Variants in PIK3C2G observed in about 807,000 individuals in gnomAD.
The protein encoded by PIK3C2G is phosphatidylinositol 3-kinase C2 domain-containing subunit gamma.
PIK3C2G carries 168 observed loss-of-function variants against 181.1 expected under a neutral mutation model. That is an observed-to-expected ratio of 0.93 (90% confidence interval 0.82 to 1.05). The LOEUF (loss-of-function observed/expected upper bound fraction) is 1.05. Ranked by LOEUF, PIK3C2G falls within the 50% of genes least tolerant of loss-of-function variation. PIK3C2G has a pLI of 0.00. For missense variants in PIK3C2G, 1,869 were observed against 1,732.8 expected (o/e 1.08, Z -1.40); for synonymous variants, 573 against 592.2 (o/e 0.97, Z 0.47).
intron 7 of PIK3C2G, among the ~76,000 whole-genome samples, chr12:18,324,161 C>T (rs1487165507): frequency 1.3e-5 from 2 of 151,404 alleles, no homozygotes; most frequent in East Asian, 3.9e-4. Flanking sequence ...GCGGAGCCTG[C>T]AGTGAGCGGA....
intron 30 of PIK3C2G, among the ~76,000 whole-genome samples, chr12:18,600,572 C>A (rs7304394): frequency 0.29 from 44,393 of 151,706 alleles, 7,467 homozygotes; most frequent in East Asian, 0.7. Flanking sequence ...CTAACCTAAT[C>A]AAAAATGGGG....
At chr12:18,497,811 G>C in intron 22 of PIK3C2G, 63 bp downstream of exon 22, 1 of 1,302,840 alleles carries the variant, frequency 7.7e-7, no homozygotes, top group Middle Eastern at 2.0e-4. Flanking sequence ...ACTAGTAATA[G>C]GCTACGAAAC....
chr12:18,637,912 C>A (rs1000880714), intron 31 of PIK3C2G, among the ~76,000 whole-genome samples: 1 of 152,184 alleles, frequency 6.6e-6, no homozygotes, highest in Non-Finnish European at 1.5e-5. Context: ...CTGTTAGAAC[C>A]CTTTCTGATT....
intron 24 of PIK3C2G, among the ~76,000 whole-genome samples, chr12:18,534,545 C>A (rs12317612): frequency 6.6e-6 from 1 of 151,988 alleles, no homozygotes; most frequent in African/African-American, 2.4e-5. Context: ...GTTACAAGCT[C>A]TTCACTATAT....
intron 16 of PIK3C2G, among the ~76,000 whole-genome samples, chr12:18,404,645 T>C (rs910036603): frequency 1.3e-5 from 2 of 152,198 alleles, no homozygotes; most frequent in Non-Finnish European, 2.9e-5. Flanking sequence ...TGCATGGTTA[T>C]ACAGGTTCAG....
intron 5 of PIK3C2G, among the ~76,000 whole-genome samples, chr12:18,297,175 G>T (rs1949976219): frequency 6.6e-6 from 1 of 151,990 alleles, no homozygotes. Context: ...TTGACAGGGA[G>T]TAACAATTGT....
chr12:18,657,167 G>A, the PIK3C2G span, among the ~76,000 whole-genome samples: 1 of 152,132 alleles, frequency 6.6e-6, no homozygotes, highest in Non-Finnish European at 1.5e-5. Context: ...AATATTTATA[G>A]GCAGATGTAT....
chr12:18,571,597 G>C (rs1401355428), intron 29 of PIK3C2G, among the ~76,000 whole-genome samples: 3 of 150,642 alleles, frequency 2.0e-5, no homozygotes, highest in Admixed American at 2.0e-4. Context: ...TAACGTTCAC[G>C]TGTCTCTCCT....
intron 32 of PIK3C2G, 96 bp from the exon 33 acceptor site, chr12:18,647,780 A>C: frequency 3.4e-6 from 2 of 582,692 alleles, no homozygotes; most frequent in Non-Finnish European, 5.5e-6. Flanking sequence ...GGTATAAGAT[A>C]TTAGCAGCTA....
At chr12:18,444,033 G>C (rs1205623458) in intron 18 of PIK3C2G, among the ~76,000 whole-genome samples, 1 of 152,146 alleles carries the variant, frequency 6.6e-6, no homozygotes, top group East Asian at 1.9e-4. Context: ...ACAAATATTG[G>C]CTTTCTTCTT....
the PIK3C2G span, among the ~76,000 whole-genome samples, chr12:18,720,332 A>T: frequency 6.6e-6 from 1 of 151,798 alleles, no homozygotes; most frequent in Non-Finnish European, 1.5e-5. Context: ...ATAACCAGTA[A>T]ATGTCTTTTA....
At chr12:18,651,399 T>C (rs926913948), downstream of PIK3C2G, among the ~76,000 whole-genome samples, 5 of 152,212 alleles carry the variant, frequency 3.3e-5, no homozygotes, top group Non-Finnish European at 7.3e-5. Flanking sequence ...TTTTATCTTA[T>C]GCACTTATCA....
intron 24 of PIK3C2G, among the ~76,000 whole-genome samples, chr12:18,531,386 A>G (rs1943547501): frequency 6.6e-6 from 1 of 152,216 alleles, no homozygotes; most frequent in African/African-American, 2.4e-5. Context: ...ATCCTTTACT[A>G]GTTTCCTCCA....
rs139838940 is a variant in PIK3C2G at position 18,374,872 on chromosome 12, C to G, written c.1880+3561C>G. The stretch of plus-strand genomic sequence containing the variant: ...CTGTTATCACCATGTGAGACACCTG[C>G]TCCTCCTTTGCCTTCTGCCATGATT... On this transcript the variant is annotated intron_variant, in intron 13 of 32. Coordinates refer to ENST00000538779, the MANE Select transcript of PIK3C2G (RefSeq NM_001288772.2). Among the ~76,000 whole-genome samples the G allele has an allele frequency of 7.6e-3, 1,152 of 152,246 alleles. 13 individuals carry two copies. Among genetic ancestry groups the G allele is most frequent in the African/African-American group, 0.026 (1,097 of 41,540 alleles).
chr12:18,701,643 TCC>T, the PIK3C2G span: 3 of 1,357,182 alleles, frequency 2.2e-6, no homozygotes, highest in Non-Finnish European at 3.0e-6. Flanking sequence ...CTCCTCCTCC[TCC>T]TCCTCCTCTC....
At chr12:18,711,669 A>G in the PIK3C2G span, among the ~76,000 whole-genome samples, 2 of 151,930 alleles carry the variant, frequency 1.3e-5, no homozygotes, top group Non-Finnish European at 2.9e-5. Context: ...GAAAGTTGTC[A>G]TTGATGAGAT....
At chr12:18,283,686 T>A (rs1949319360) in intron 2 of PIK3C2G, among the ~76,000 whole-genome samples, 1 of 152,138 alleles carries the variant, frequency 6.6e-6, no homozygotes, top group South Asian at 2.1e-4. Flanking sequence ...TCTACTTCAT[T>A]TGAATTCACT....
chr12:18,412,827 T>C (rs1944942797), intron 16 of PIK3C2G, among the ~76,000 whole-genome samples: 1 of 152,136 alleles, frequency 6.6e-6, no homozygotes, highest in South Asian at 2.1e-4. Context: ...TGGTCACTTA[T>C]TACCTCCACC....
chr12:18,255,225 AAATAAATAAAT>A (rs1378579561), intron 1 of PIK3C2G, among the ~76,000 whole-genome samples: 1 of 115,052 alleles, frequency 8.7e-6, no homozygotes, highest in South Asian at 2.7e-4. Context: ...AAAAATAAAT[AAATAAATAAAT>A]AAATAAATAA....
Sources: allele counts gnomAD v4.1 joint callset (sites outside exome capture counted in the v4.1 genomes callset), GRCh38; gene constraint gnomAD v4.1.1; transcripts MANE v1.5; gene names NCBI Gene and HGNC (gene_info 2026-07-23, HGNC 2026-07-21).